The following NRG1 variants were observed in gnomAD, a reference collection of about 807,000 sequenced individuals.
NRG1 encodes the protein neuregulin 1, also known as pro-neuregulin-1, membrane-bound isoform.
A neutral mutation model predicts 63.8 loss-of-function variants in NRG1; 18 were observed. That is an observed-to-expected ratio of 0.28 (90% CI 0.19 to 0.42). The LOEUF is 0.42. Among genes scored for constraint, NRG1 ranks in the 10% least tolerant of loss-of-function variants. The pLI is 1.00. For missense variants in NRG1, 762 were observed against 814.7 expected (o/e 0.94, Z 0.79); for synonymous variants, 302 against 301.3 (o/e 1.00, Z -0.02).
chr8:32,233,885 T>C (rs1196399052), intron 1 of NRG1, among the ~76,000 whole-genome samples: 1 of 152,074 alleles, frequency 6.6e-6, no homozygotes, highest in Non-Finnish European at 1.5e-5. Context: ...AGTATAAACC[T>C]TATGTGTTCA....
At chr8:31,765,243 G>T (rs1392289020) in intron 1 of NRG1, among the ~76,000 whole-genome samples, 3 of 151,822 alleles carry the variant, frequency 2.0e-5, no homozygotes, top group Non-Finnish European at 4.4e-5. Flanking sequence ...GATTCTTTGG[G>T]CTTTTCTAAA....
intron 1 of NRG1, among the ~76,000 whole-genome samples, chr8:31,709,042 C>T (rs1049183352): frequency 6.6e-6 from 1 of 152,056 alleles, no homozygotes; most frequent in Non-Finnish European, 1.5e-5. Context: ...CTAGTCTGCA[C>T]AGCAAATCTC....
intron 1 of NRG1, among the ~76,000 whole-genome samples, chr8:32,520,758 T>C (rs1011550695): frequency 2.0e-5 from 3 of 152,184 alleles, no homozygotes; most frequent in African/African-American, 7.2e-5. Flanking sequence ...AGATAAAAAA[T>C]CCCAGAAATA....
intron 1 of NRG1, among the ~76,000 whole-genome samples, chr8:32,303,899 T>C (rs1855906660): frequency 1.3e-5 from 2 of 152,196 alleles, no homozygotes; most frequent in African/African-American, 4.8e-5. Context: ...CATACTTACA[T>C]CCAAATAAAT....
intron 1 of NRG1, among the ~76,000 whole-genome samples, chr8:31,789,189 T>C (rs188344318): frequency 1.3e-5 from 2 of 152,324 alleles, no homozygotes; most frequent in African/African-American, 4.8e-5. Flanking sequence ...ATTAGCTTTA[T>C]GGAGTTGTAG....
At chr8:32,556,375 T>C (rs191348615) in intron 1 of NRG1, among the ~76,000 whole-genome samples, 1,526 of 152,264 alleles carry the variant, frequency 0.01, 24 homozygotes, top group African/African-American at 0.035. Context: ...TAGCATAAAA[T>C]TAGAATGACA....
intron 1 of NRG1, among the ~76,000 whole-genome samples, chr8:32,343,356 C>G (rs557231460): frequency 2.4e-4 from 37 of 152,086 alleles, no homozygotes; most frequent in Non-Finnish European, 4.7e-4. Context: ...TATGTGCGAA[C>G]CTTGGAGTCA....
chr8:32,504,191 T>G (rs879909740), intron 1 of NRG1, among the ~76,000 whole-genome samples: 4 of 152,188 alleles, frequency 2.6e-5, no homozygotes, highest in African/African-American at 4.8e-5. Context: ...GGAGCCTGCC[T>G]TTCCCTGGTG....
At chr8:32,007,642 A>C (rs553638081) in intron 1 of NRG1, among the ~76,000 whole-genome samples, 111 of 152,178 alleles carry the variant, frequency 7.3e-4, no homozygotes, top group Admixed American at 1.1e-3. Context: ...AAGTCGATCC[A>C]CATCTCTTGA....
chr8:32,511,827 G>T (rs1447639171), intron 1 of NRG1, among the ~76,000 whole-genome samples: 1 of 152,162 alleles, frequency 6.6e-6, no homozygotes. Context: ...GTTACATGAG[G>T]TTAGGAGCAT....
intron 1 of NRG1, among the ~76,000 whole-genome samples, chr8:32,346,026 T>C (rs1804846400): frequency 6.7e-6 from 1 of 148,606 alleles, no homozygotes; most frequent in Admixed American, 6.8e-5. Context: ...TAACAATAAA[T>C]GTATATATAG....
chr8:32,587,693 G>A (rs1355875509), intron 1 of NRG1, among the ~76,000 whole-genome samples: 1 of 152,026 alleles, frequency 6.6e-6, no homozygotes, highest in African/African-American at 2.4e-5. Flanking sequence ...TCCTACTTTG[G>A]GTTAGGAGAG....
At chr8:31,800,452 T>C (rs1821652763) in intron 1 of NRG1, among the ~76,000 whole-genome samples, 1 of 152,224 alleles carries the variant, frequency 6.6e-6, no homozygotes, top group African/African-American at 2.4e-5. Context: ...GCATGTCTTA[T>C]AGTGACCAAA....
chr8:32,602,302 G>C (rs565524669), intron 2 of NRG1, among the ~76,000 whole-genome samples: 2 of 151,938 alleles, frequency 1.3e-5, no homozygotes, highest in Non-Finnish European at 2.9e-5. Context: ...GCATTACTAG[G>C]AATAGTATTC....
At chr8:32,451,747 T>C (rs1174077979) in intron 1 of NRG1, among the ~76,000 whole-genome samples, 3 of 152,212 alleles carry the variant, frequency 2.0e-5, no homozygotes, top group Non-Finnish European at 4.4e-5. Context: ...TTAATATCCT[T>C]AATTTCTAAT....
Position 32,548,761 on chromosome 8 carries a change from A to AGGGCAAGAAGAAGGAGCGAGGCTC in NRG1, c.36_59dup (p.Lys16_Lys23dup), listed in dbSNP as rs745418694. On this transcript the variant is annotated inframe_insertion, in exon 1 of 12. Transcript: ENST00000356819. ...CGCAAAGAAGGCAGAGGCAAAGGGA[A>AGGGCAAGAAGAAGGAGCGAGGCTC]GGGCAAGAAGAAGGAGCGAGGCTCC... 9.4e-6 allele frequency: 15 copies of AGGGCAAGAAGAAGGAGCGAGGCTC among 1,590,618 alleles called. 1 individual carries two copies. In the South Asian group the frequency reaches 1.0e-4, roughly 11 times the overall value.
Position 32,761,212 on chromosome 8 carries a change from C to A in NRG1, c.1259+806C>A, listed in dbSNP as rs139260639. Among the ~76,000 whole-genome samples, 426 of 152,292 alleles carry A rather than the reference C, an allele frequency of 2.8e-3. 3 individuals are homozygous for A. The highest frequency in any genetic ancestry group is 8.5e-3 in the African/African-American group (354 of 41,554). ...ATTTTCACCTGAGCTGGAAGATGAC[C>A]AGTATTTCTAGCCCATCAGTAAGCT... On this transcript the variant is annotated intron_variant, in intron 11 of 11. Transcript: ENST00000356819.
At chr8:32,002,306 G>C (rs1424260501) in intron 1 of NRG1, among the ~76,000 whole-genome samples, 1 of 152,050 alleles carries the variant, frequency 6.6e-6, no homozygotes, top group Non-Finnish European at 1.5e-5. Context: ...TTACAGGCGT[G>C]AGCCACCATG....
chr8:32,641,164 T>A (rs932069349), intron 5 of NRG1, among the ~76,000 whole-genome samples: 1 of 149,414 alleles, frequency 6.7e-6, no homozygotes, highest in African/African-American at 2.4e-5. Flanking sequence ...TATATATATA[T>A]AAATATATTT....
Sources: allele counts gnomAD v4.1 joint callset (sites outside exome capture counted in the v4.1 genomes callset), GRCh38; gene constraint gnomAD v4.1.1; transcripts MANE v1.5; gene names NCBI Gene and HGNC (gene_info 2026-07-23, HGNC 2026-07-21).